Variants in ECHDC1 observed in about 807,000 individuals in gnomAD.
ECHDC1 encodes the protein ethylmalonyl-CoA decarboxylase 1, also known as ethylmalonyl-CoA decarboxylase.
A neutral mutation model predicts 29.7 loss-of-function variants in ECHDC1; 29 were observed. The observed-to-expected ratio is 0.98, with a 90% CI of 0.73 to 1.33. ECHDC1 has a LOEUF of 1.33. Among genes scored for constraint, ECHDC1 ranks in the 40% most tolerant of loss-of-function variants. The pLI is 0.00. For missense variants in ECHDC1, 328 were observed against 350.0 expected, an observed-to-expected ratio of 0.94 and a Z score of 0.50; for synonymous variants, 126 against 123.1, an observed-to-expected ratio of 1.02 and a Z score of -0.15.
At chr6:127,290,340 T>TG in intron 5 of ECHDC1, 63 bp from the exon 6 acceptor site, 2 of 1,490,124 alleles carry the variant, frequency 1.3e-6, no homozygotes, top group Non-Finnish European at 1.8e-6. Flanking sequence ...CATAAAGTAC[T>TG]ATCCATTCAT....
intron 1 of ECHDC1, among the ~76,000 whole-genome samples, chr6:127,331,543 T>C (rs1783945934): frequency 6.6e-6 from 1 of 152,100 alleles, no homozygotes; most frequent in Non-Finnish European, 1.5e-5. Context: ...ACAAAGCATA[T>C]CATTTCAGTA....
chr6:127,289,801 TATC>T lies in ECHDC1; in HGVS notation c.*65_*67del, dbSNP rs1411247386. On this transcript the variant is annotated 3_prime_UTR_variant, in exon 6 of 6. Coordinates refer to ENST00000454859, the MANE Select transcript of ECHDC1 (RefSeq NM_001002030.2). Reference sequence around the variant, plus strand: ...AAGTAATTCTGATGTTCATATTTAATATCATTTAACATTTATACATATTAGTCA... The same window carrying T: ...AAGTAATTCTGATGTTCATATTTAATATTTAACATTTATACATATTAGTCA... 15 of 1,404,504 alleles carry T rather than the reference TATC, an allele frequency of 1.1e-5. No individual in the cohort carries two copies. Among genetic ancestry groups the T allele is most frequent in the Non-Finnish European group, 1.3e-5 (14 of 1,040,940 alleles). The allele number at this position is 1,404,504 out of a possible 1,614,324, so 87.0% of individuals were successfully genotyped here. A position where few individuals can be genotyped will look rare whatever the true frequency, so the allele number is the denominator to read the frequency against.
chr6:127,328,239 C>T (rs9372865), intron 2 of ECHDC1, among the ~76,000 whole-genome samples: 19,861 of 152,226 alleles, frequency 0.13, 2,552 homozygotes, highest in East Asian at 0.56. Flanking sequence ...TACAGTCATG[C>T]ACCAACAATG....
chr6:127,291,276 CTTTTTTTT>C (rs57066162), intron 5 of ECHDC1, among the ~76,000 whole-genome samples: 3 of 133,280 alleles, frequency 2.3e-5, no homozygotes, highest in African/African-American at 8.3e-5. Context: ...GCTCTTATAC[CTTTTTTTT>C]TTTTTTTTTT....
At chr6:127,337,225 C>A (rs760285320) in intron 1 of ECHDC1, among the ~76,000 whole-genome samples, 1 of 152,162 alleles carries the variant, frequency 6.6e-6, no homozygotes, top group African/African-American at 2.4e-5. Flanking sequence ...TACAGAGCCT[C>A]CCCTTCCCGC....
At chr6:127,322,080 C>A (rs1354135546) in intron 3 of ECHDC1, among the ~76,000 whole-genome samples, 1 of 151,534 alleles carries the variant, frequency 6.6e-6, no homozygotes, top group Non-Finnish European at 1.5e-5. Flanking sequence ...CCGAGGAGGG[C>A]AGATCATTTG....
At chr6:127,331,166 T>G in intron 1 of ECHDC1, 136 bp from the exon 2 acceptor site, 1 of 649,610 alleles carries the variant, frequency 1.5e-6, no homozygotes, top group Non-Finnish European at 2.6e-6. Flanking sequence ...TTTTTTTTTT[T>G]TGAGACAATT....
chr6:127,319,709 C>T (rs1782684856), intron 3 of ECHDC1, among the ~76,000 whole-genome samples: 1 of 152,148 alleles, frequency 6.6e-6, no homozygotes, highest in South Asian at 2.1e-4. Flanking sequence ...AAGCTGGAAG[C>T]TGAGAAGTAC....
rs984350977 is a variant in ECHDC1, at chr6:127,343,512, C to T, written c.-179G>A. On this transcript the variant is annotated 5_prime_UTR_variant, in exon 1 of 6. Coordinates refer to ENST00000454859, the MANE Select transcript of ECHDC1 (RefSeq NM_001002030.2). The stretch of plus-strand genomic sequence containing the variant: ...ACTATCCCACGCTCTCCTTTCCTTT[C>T]TCCGGGAACTTTATCCCGTTCCCCT... The T allele has an allele frequency of 6.6e-6, 1 of 152,140 alleles. No homozygotes were observed. The highest frequency in any genetic ancestry group is 1.5e-5 in the Non-Finnish European group (1 of 68,072). The allele number at this position is 152,140 out of a possible 1,614,324, so 9.4% of individuals were successfully genotyped here.
At position 127,327,137 on chromosome 6, in the gene ECHDC1, C is replaced by T. The variant is rs200651182; in HGVS notation, c.228G>A (p.Met76Ile). The change falls in exon 3 of 6, where the codon ATG becomes ATA. Residue 76 changes from methionine (M) to isoleucine (I), a missense_variant. Coordinates refer to ENST00000454859, the MANE Select transcript of ECHDC1 (RefSeq NM_001002030.2). Reference sequence around the variant, plus strand: ...TTACTTTTTCCAGAAGTTGTAGCATCATAACACCTGCCAGAGATGGAAGTG... The same window carrying T: ...TTACTTTTTCCAGAAGTTGTAGCATTATAACACCTGCCAGAGATGGAAGTG... ...PSRMNAFSGV[M>I]MLQLLEKVIE... The T allele has an allele frequency of 3.1e-6, 5 of 1,612,374 alleles. No homozygotes were observed. The highest frequency in any genetic ancestry group is 4.2e-6 in the Non-Finnish European group (5 of 1,179,202).
At chr6:127,303,340 C>CA (rs1781196773) in intron 5 of ECHDC1, among the ~76,000 whole-genome samples, 1 of 152,138 alleles carries the variant, frequency 6.6e-6, no homozygotes, top group Non-Finnish European at 1.5e-5. Context: ...GTTGTGAATA[C>CA]AACAGGAAAG....
At chr6:127,336,117 G>C (rs1234244298) in intron 1 of ECHDC1, among the ~76,000 whole-genome samples, 1 of 152,036 alleles carries the variant, frequency 6.6e-6, no homozygotes, top group Non-Finnish European at 1.5e-5. Context: ...AATCTAATTA[G>C]AACATGGAAA....
intron 5 of ECHDC1, among the ~76,000 whole-genome samples, chr6:127,307,060 C>T (rs1375498063): frequency 2.6e-5 from 4 of 152,024 alleles, no homozygotes; most frequent in Non-Finnish European, 5.9e-5. Flanking sequence ...ACAATATGCT[C>T]CTGAATGGCC....
intron 5 of ECHDC1, among the ~76,000 whole-genome samples, chr6:127,297,799 GA>G (rs1362377630): frequency 5.9e-5 from 9 of 152,076 alleles, no homozygotes; most frequent in Non-Finnish European, 1.3e-4. Context: ...GAGATGAGGG[GA>G]GTTTCTTATA....
At chr6:127,302,283 T>C (rs1781111964) in intron 5 of ECHDC1, among the ~76,000 whole-genome samples, 1 of 152,244 alleles carries the variant, frequency 6.6e-6, no homozygotes, top group African/African-American at 2.4e-5. Context: ...CACCGGAATC[T>C]ATGTTAGAGG....
At chr6:127,342,560 A>C in intron 1 of ECHDC1, 1 of 540,176 alleles carries the variant, frequency 1.9e-6, no homozygotes, top group Non-Finnish European at 3.2e-6. Flanking sequence ...TGTCTGTTCC[A>C]AGAGAATGCT....
chr6:127,321,233 A>T (rs1212497575), intron 3 of ECHDC1, among the ~76,000 whole-genome samples: 4 of 152,238 alleles, frequency 2.6e-5, no homozygotes, highest in Non-Finnish European at 5.9e-5. Context: ...CTAGTGATGC[A>T]TCTGTAACAA....
intron 5 of ECHDC1, among the ~76,000 whole-genome samples, chr6:127,305,426 G>A (rs1056095395): frequency 5.9e-5 from 9 of 152,048 alleles, no homozygotes; most frequent in African/African-American, 2.2e-4. Flanking sequence ...ATATTAAAGG[G>A]AGCACTCTAA....
intron 5 of ECHDC1, among the ~76,000 whole-genome samples, chr6:127,295,391 T>C (rs1020386743): frequency 1.3e-5 from 2 of 152,172 alleles, no homozygotes; most frequent in African/African-American, 2.4e-5. Context: ...CTAAATTGGA[T>C]AGTTGAGAAT....
Sources: allele counts gnomAD v4.1 joint callset (sites outside exome capture counted in the v4.1 genomes callset), GRCh38; gene constraint gnomAD v4.1.1; transcripts MANE v1.5; gene names NCBI Gene and HGNC (gene_info 2026-07-23, HGNC 2026-07-21).